The following SPOUT1 variants were observed in gnomAD, a reference collection of about 807,000 sequenced individuals.
SPOUT1 encodes the protein 28S rRNA (uridine-N(3))-methyltransferase.
A neutral mutation model predicts 54.8 loss-of-function variants in SPOUT1; 40 were observed. The ratio of observed to expected loss-of-function variants is 0.73; its 90% CI spans 0.57 to 0.95. The LOEUF (loss-of-function observed/expected upper bound fraction) is 0.95, where lower values mean the gene tolerates loss of function less well. SPOUT1 is among the 40% of genes least tolerant of loss of function. The pLI, the probability that SPOUT1 is intolerant of heterozygous loss-of-function variation, is 0.00. For synonymous variants in SPOUT1, 193 were observed against 200.3 expected, an observed-to-expected ratio of 0.96 and a Z score of 0.31; for missense variants, 437 against 499.5, an observed-to-expected ratio of 0.87 and a Z score of 1.19.
rs998723722 is a variant in SPOUT1 at position 128,826,994 on chromosome 9, C to T, written c.368+38G>A. On this transcript the variant is annotated intron_variant, in intron 4 of 11. Coordinates refer to ENST00000361256, the MANE Select transcript of SPOUT1 (RefSeq NM_016390.4). The surrounding 1 kb of genome is among the most constrained non-coding windows in gnomAD (Gnocchi z 5.5). ...CGGCCCATCCCGGCAGCCCCTCCCTCTCCCTGAACCCTGGCACCCTGTGGG... is the reference window on the plus strand; with the variant it reads ...CGGCCCATCCCGGCAGCCCCTCCCTTTCCCTGAACCCTGGCACCCTGTGGG... The T allele has an allele frequency of 1.2e-6, 2 of 1,601,852 alleles. No individual in the cohort carries two copies. The highest frequency in any genetic ancestry group is 1.7e-6 in the Non-Finnish European group (2 of 1,171,738).
intron 3 of SPOUT1, among the ~76,000 whole-genome samples, chr9:128,828,176 G>T (rs1830276686): frequency 6.6e-6 from 1 of 152,142 alleles, no homozygotes; most frequent in Non-Finnish European, 1.5e-5. Flanking sequence ...GGAAGATCAT[G>T]AAGTTCTAGA....
chr9:128,823,687 GC>G, intron 11 of SPOUT1, 59 bp downstream of exon 11: 1 of 1,474,868 alleles, frequency 6.8e-7, no homozygotes, highest in Non-Finnish European at 9.2e-7. Flanking sequence ...AGTAGCACCC[GC>G]CCCTCGGACA....
chr9:128,829,401 G>A (rs895250264), intron 1 of SPOUT1, among the ~76,000 whole-genome samples: 1 of 152,218 alleles, frequency 6.6e-6, no homozygotes, highest in African/African-American at 2.4e-5. Flanking sequence ...CAAAACAGAA[G>A]AGAAAACTGA....
At position 128,821,130 on chromosome 9, in the gene SPOUT1, C is replaced by G. The variant is rs1830105122; in HGVS notation, c.*1635G>C. The G allele has an allele frequency of 2.0e-6, 1 of 491,708 alleles. No homozygotes were observed. The highest frequency in any genetic ancestry group is 3.7e-5 in the East Asian group (1 of 27,274). 30.5% of individuals were successfully genotyped at this position (491,708 alleles called of 1,614,324 possible). A position where few individuals can be genotyped will look rare whatever the true frequency, so the allele number is the denominator to read the frequency against. ...TGCTGTCACCTCTTGGCATGCCCAC[C>G]CAATCTTGTTCTGCCAATATGGAAC... On this transcript the variant is annotated 3_prime_UTR_variant, in exon 12 of 12. Transcript: ENST00000361256.
At chr9:128,829,182 TGA>T in intron 1 of SPOUT1, 27 bp from the exon 2 acceptor site, 1 of 1,604,890 alleles carries the variant, frequency 6.2e-7, no homozygotes, top group Non-Finnish European at 8.5e-7. Flanking sequence ...AGGAGGATTA[TGA>T]GTGTGAGGCT....
chr9:128,824,279 GGTGTGTGTGTGT>G, intron 9 of SPOUT1, 105 bp from the exon 10 acceptor site: 1 of 495,706 alleles, frequency 2.0e-6, no homozygotes, highest in Middle Eastern at 3.5e-4. Flanking sequence ...AGAGCTGTGT[GGTGTGTGTGTGT>G]GTGTGTGTGC....
In SPOUT1 at chr9:128,820,863, A is replaced by AG; in HGVS notation, c.*1901dup. On this transcript the variant is annotated 3_prime_UTR_variant, in exon 12 of 12. Coordinates refer to ENST00000361256, the MANE Select transcript of SPOUT1 (RefSeq NM_016390.4). ...TTCCTGCCCAGGTAAGGTGGAAACCAGGGGGGCGGCAGAACCTCCCACTCA... is the reference window on the plus strand; with the variant it reads ...TTCCTGCCCAGGTAAGGTGGAAACCAGGGGGGGCGGCAGAACCTCCCACTCA... 5 of 1,593,670 alleles carry AG rather than the reference A, an allele frequency of 3.1e-6. No individual in the cohort carries two copies. The highest frequency in any genetic ancestry group is 4.3e-6 in the Non-Finnish European group (5 of 1,168,624).
In SPOUT1 at chr9:128,829,727, C is replaced by G. The variant is rs764678566; in HGVS notation, c.36+18G>C. The G allele has an allele frequency of 1.9e-6, 3 of 1,587,184 alleles. No homozygotes were observed. The highest frequency in any genetic ancestry group is 1.3e-5 in the African/African-American group (1 of 74,484). ...TCCACCATGCTGCCCTGCACGGGGT[C>G]CCGCCGCCCGCACTTACCGGGCCGC... is the stretch of plus-strand genomic sequence containing the variant. On this transcript the variant is annotated intron_variant, in intron 1 of 11. Coordinates refer to ENST00000361256, the MANE Select transcript of SPOUT1 (RefSeq NM_016390.4).
intron 1 of SPOUT1, among the ~76,000 whole-genome samples, chr9:128,829,370 A>C (rs4489410): frequency 0.31 from 47,809 of 152,080 alleles, 8,549 homozygotes; most frequent in African/African-American, 0.49. Flanking sequence ...AGCACTCAAG[A>C]AACTGTCGAA....
Position 128,822,351 on chromosome 9 carries a change from A to G in SPOUT1, c.*414T>C. Reference sequence around the variant, plus strand: ...AGGACAGAGGCTGATGGGAAATCCTACGTAAAGTACCAGGTCATCGGCAAG... The same window carrying G: ...AGGACAGAGGCTGATGGGAAATCCTGCGTAAAGTACCAGGTCATCGGCAAG... On this transcript the variant is annotated 3_prime_UTR_variant, in exon 12 of 12. Transcript: ENST00000361256. The G allele has an allele frequency of 1.9e-6, 3 of 1,613,842 alleles. No individual in the cohort carries two copies. Among genetic ancestry groups the G allele is most frequent in the Non-Finnish European group, 2.5e-6 (3 of 1,179,934 alleles).
At chr9:128,829,690 G>T in intron 1 of SPOUT1, 55 bp downstream of exon 1, 1 of 1,391,624 alleles carries the variant, frequency 7.2e-7, no homozygotes, top group Non-Finnish European at 1.0e-6. Flanking sequence ...CCACGCCACT[G>T]GTTCTCACGC....
chr9:128,824,674 G>A (rs988072615), intron 9 of SPOUT1, 97 bp downstream of exon 9: 3 of 831,892 alleles, frequency 3.6e-6, no homozygotes, highest in Admixed American at 2.1e-5. Context: ...CAAGTTGACA[G>A]GACAAAAACC....
At chr9:128,828,685 A>G in intron 3 of SPOUT1, 50 bp downstream of exon 3, 1 of 1,604,404 alleles carries the variant, frequency 6.2e-7, no homozygotes, top group African/African-American at 1.3e-5. Context: ...TGCCTGCAGG[A>G]CAACTACCGT....
chr9:128,827,790 C>T (rs983190576), intron 3 of SPOUT1, among the ~76,000 whole-genome samples: 9 of 152,224 alleles, frequency 5.9e-5, no homozygotes, highest in Middle Eastern at 3.2e-3. Flanking sequence ...GGCATGGTGG[C>T]GCATGCCTGT....
At chr9:128,825,978 G>C (rs1830232179) in intron 7 of SPOUT1, 44 bp downstream of exon 7, 2 of 1,612,670 alleles carry the variant, frequency 1.2e-6, no homozygotes, top group South Asian at 2.2e-5. Flanking sequence ...CCATTGCCAG[G>C]GTGTGTCCTG....
chr9:128,825,951 A>T, intron 7 of SPOUT1, 71 bp downstream of exon 7: 1 of 1,601,684 alleles, frequency 6.2e-7, no homozygotes, highest in Non-Finnish European at 8.5e-7. Flanking sequence ...TCTCCGCAAC[A>T]TCCATCTGCT....
At chr9:128,824,897 T>C (rs1379284410) in intron 8 of SPOUT1, 28 bp from the exon 9 acceptor site, 18 of 1,604,342 alleles carry the variant, frequency 1.1e-5, no homozygotes, top group Non-Finnish European at 1.5e-5. Context: ...TCTGTAAAGA[T>C]GGGGTGAGGG....
chr9:128,824,197 G>T, intron 9 of SPOUT1, 23 bp from the exon 10 acceptor site: 1 of 1,449,510 alleles, frequency 6.9e-7, no homozygotes, highest in Non-Finnish European at 9.7e-7. Context: ...CCAGCTCAGT[G>T]CAGGTCCTGC....
rs748077849 is a variant in SPOUT1, at chr9:128,827,125, A to ACTTG, written c.274_275insCAAG (p.Leu92ProfsTer21). On this transcript the variant is annotated frameshift_variant, in exon 4 of 12. Transcript: ENST00000361256. LOFTEE classifies it high-confidence loss of function. ...AATCTGACCGGCCAAGTAGGTGCGA[A>ACTTG]GCTCCGGCGACTGAGCATTGTCCAG... The ACTTG allele has an allele frequency of 5.0e-6, 8 of 1,613,984 alleles. No individual in the cohort carries two copies. In the Admixed American group the frequency reaches 1.0e-4, roughly 20 times the overall value.
Sources: allele counts gnomAD v4.1 joint callset (sites outside exome capture counted in the v4.1 genomes callset), GRCh38; gene constraint gnomAD v4.1.1; non-coding constraint Gnocchi (gnomAD v3.1); transcripts MANE v1.5; gene names NCBI Gene and HGNC (gene_info 2026-07-23, HGNC 2026-07-21).